Variants in CCDC169 observed in about 807,000 individuals in gnomAD.
CCDC169 encodes the protein coiled-coil domain-containing protein 169.
In CCDC169, 30 loss-of-function variants were observed where a neutral mutation model predicts 36.0. The ratio of observed to expected loss-of-function variants is 0.83; its 90% CI spans 0.62 to 1.13. The LOEUF is 1.13. Among genes scored for constraint, CCDC169 ranks in the 50% most tolerant of loss-of-function variants. The pLI is 0.00. For synonymous variants in CCDC169, 85 were observed against 81.5 expected, an observed-to-expected ratio of 1.04 and a Z score of -0.23; for missense variants, 245 against 245.9, an observed-to-expected ratio of 1.00 and a Z score of 0.03.
chr13:36,230,932 G>T lies in CCDC169; in HGVS notation c.*261C>A. On this transcript the variant is annotated 3_prime_UTR_variant, in exon 8 of 8. Transcript: ENST00000239859. Reference sequence around the variant, plus strand: ...GCAGATCATGGGTATATTATTGAAAGCAAGTGTAATGATGCCAGCCTTCAG... The same window carrying T: ...GCAGATCATGGGTATATTATTGAAATCAAGTGTAATGATGCCAGCCTTCAG... 8.6e-7 allele frequency: 1 copy of T among 1,162,614 alleles called. No homozygotes were observed. The highest frequency in any genetic ancestry group is 1.1e-6 in the Non-Finnish European group (1 of 942,908). The allele number at this position is 1,162,614 out of a possible 1,614,324, so 72.0% of individuals were successfully genotyped here. A position where few individuals can be genotyped will look rare whatever the true frequency, so the allele number is the denominator to read the frequency against.
At chr13:36,258,489 A>G (rs1473717977) in intron 4 of CCDC169, among the ~76,000 whole-genome samples, 2 of 152,222 alleles carry the variant, frequency 1.3e-5, no homozygotes, top group Non-Finnish European at 1.5e-5. Context: ...CCAAAACCCT[A>G]GATGGCAACA....
chr13:36,225,180 T>C (rs1286127350), downstream of CCDC169: 1 of 141,216 alleles, frequency 7.1e-6, no homozygotes, highest in East Asian at 2.1e-4. Context: ...CCTCAAACTA[T>C]AAGAATCCTA....
chr13:36,250,321 A>AG (rs1426452767), intron 6 of CCDC169, among the ~76,000 whole-genome samples: 1 of 152,218 alleles, frequency 6.6e-6, no homozygotes, highest in African/African-American at 2.4e-5. Flanking sequence ...CTGCAGAGAC[A>AG]GGAACAGCCA....
chr13:36,289,368 A>G (rs560694112), intron 2 of CCDC169, among the ~76,000 whole-genome samples: 2 of 152,212 alleles, frequency 1.3e-5, no homozygotes, highest in Non-Finnish European at 2.9e-5. Flanking sequence ...AAGGTCTAGA[A>G]AAGCAATATT....
At chr13:36,259,031 C>T (rs961186247) in intron 4 of CCDC169, among the ~76,000 whole-genome samples, 4 of 152,154 alleles carry the variant, frequency 2.6e-5, no homozygotes, top group African/African-American at 9.7e-5. Context: ...CCTGCAGGCA[C>T]ATCTAGAATG....
chr13:36,228,826 G>T (rs1303035319), downstream of CCDC169, among the ~76,000 whole-genome samples: 1 of 152,172 alleles, frequency 6.6e-6, no homozygotes, highest in Non-Finnish European at 1.5e-5. Flanking sequence ...GACAGGGGGT[G>T]TGAGCCACCA....
In CCDC169 at chr13:36,254,151, T is replaced by C. The variant is rs775510929; in HGVS notation, c.316-8A>G. On this transcript the variant is annotated splice_region_variant and splice_polypyrimidine_tract_variant and intron_variant, in intron 4 of 7. Coordinates refer to ENST00000239859, the MANE Select transcript of CCDC169 (RefSeq NM_001144981.3). ...TAATGTGTTTAAGGATTCCTAAAAA[T>C]ATAAATAGTAAAATTTTATATGTAC... 7.8e-5 allele frequency: 116 copies of C among 1,488,944 alleles called. No individual in the cohort carries two copies. The highest frequency in any genetic ancestry group is 1.0e-4 in the Non-Finnish European group (112 of 1,119,026). 92.2% of individuals were successfully genotyped at this position (1,488,944 alleles called of 1,614,324 possible).
rs544113270 is a variant in CCDC169, at chr13:36,288,261, G to A, written c.164-4559C>T. 1.1e-4 allele frequency among the ~76,000 whole-genome samples: 16 copies of A among 152,190 alleles called. No homozygotes were observed. The East Asian group carries it at 1.4e-3, about 13-fold the overall frequency. Reference sequence around the variant, plus strand: ...GATCTTCTGACCTCATTATCCGCCCGCCGCAGCCTCCCAAAGTGCTGGGAT... The same window carrying A: ...GATCTTCTGACCTCATTATCCGCCCACCGCAGCCTCCCAAAGTGCTGGGAT... On this transcript the variant is annotated intron_variant, in intron 2 of 7. Transcript: ENST00000239859.
Position 36,247,660 on chromosome 13 carries a change from C to G in CCDC169, c.545+946G>C, listed in dbSNP as rs547347068. ...GAAGAGGTGACTGACTTGCTGCAATCTCATGATAAAATTTGAATGGATGAG... is the reference window on the plus strand; with the variant it reads ...GAAGAGGTGACTGACTTGCTGCAATGTCATGATAAAATTTGAATGGATGAG... On this transcript the variant is annotated intron_variant, in intron 7 of 7. Coordinates refer to ENST00000239859, the MANE Select transcript of CCDC169 (RefSeq NM_001144981.3). 2.0e-5 allele frequency among the ~76,000 whole-genome samples: 3 copies of G among 152,220 alleles called. No homozygotes were observed. The East Asian group carries it at 5.8e-4, about 29-fold the overall frequency.
At chr13:36,295,928 C>T in intron 1 of CCDC169, 71 bp from the exon 2 acceptor site, 2 of 805,516 alleles carry the variant, frequency 2.5e-6, no homozygotes, top group Non-Finnish European at 4.0e-6. Flanking sequence ...TACATAGTAA[C>T]CCACTACTAC....
chr13:36,242,824 T>C (rs1007097295), intron 7 of CCDC169, among the ~76,000 whole-genome samples: 4 of 152,230 alleles, frequency 2.6e-5, no homozygotes, highest in East Asian at 3.9e-4. Context: ...TTAAGCTCAG[T>C]TCAGACCTGT....
chr13:36,297,541 C>A, intron 1 of CCDC169, 96 bp downstream of exon 1: 1 of 1,252,734 alleles, frequency 8.0e-7, no homozygotes, highest in Non-Finnish European at 1.1e-6. Context: ...CGGCGCCGGT[C>A]TTACAGCACC....
chr13:36,278,075 T>C (rs772904773), intron 4 of CCDC169, among the ~76,000 whole-genome samples: 6 of 152,198 alleles, frequency 3.9e-5, no homozygotes, highest in African/African-American at 1.4e-4. Context: ...ATTGCACATC[T>C]TTGGGCCTTA....
chr13:36,295,715 A>G (rs1399465435), intron 2 of CCDC169, 63 bp downstream of exon 2: 3 of 852,332 alleles, frequency 3.5e-6, no homozygotes, highest in East Asian at 5.5e-5. Flanking sequence ...TGCACCATAG[A>G]TATCCTGGTA....
chr13:36,283,217 G>T lies in CCDC169; in HGVS notation c.315+252C>A, dbSNP rs546136106. On this transcript the variant is annotated intron_variant, in intron 4 of 7. Transcript: ENST00000239859. Reference sequence around the variant, plus strand: ...GTATTTGTCTATATCTTTCTCTGAAGGTTGGCGGTGATTCAAAAAGCAATA... The same window carrying T: ...GTATTTGTCTATATCTTTCTCTGAATGTTGGCGGTGATTCAAAAAGCAATA... 1.9e-5 allele frequency: 9 copies of T among 482,584 alleles called. No individual in the cohort carries two copies. The Admixed American group carries it at 2.3e-4, about 12-fold the overall frequency. The allele number at this position is 482,584 out of a possible 1,614,324, so 29.9% of individuals were successfully genotyped here. A position where few individuals can be genotyped will look rare whatever the true frequency, so the allele number is the denominator to read the frequency against.
intron 7 of CCDC169, among the ~76,000 whole-genome samples, chr13:36,234,437 A>G (rs1460527465): frequency 3.9e-5 from 6 of 152,196 alleles, no homozygotes; most frequent in Non-Finnish European, 8.8e-5. Context: ...TTGAAAAATA[A>G]TAGCTAAAAA....
intron 7 of CCDC169, among the ~76,000 whole-genome samples, chr13:36,236,606 G>A (rs1871109503): frequency 6.6e-6 from 1 of 152,014 alleles, no homozygotes; most frequent in Non-Finnish European, 1.5e-5. Flanking sequence ...GCAAGAAAAA[G>A]TAGATGATGG....
At chr13:36,273,447 A>G (rs1243920094) in intron 4 of CCDC169, among the ~76,000 whole-genome samples, 1 of 152,180 alleles carries the variant, frequency 6.6e-6, no homozygotes, top group African/African-American at 2.4e-5. Flanking sequence ...ATGATGTAAT[A>G]GTTATAAAAA....
intron 7 of CCDC169, among the ~76,000 whole-genome samples, chr13:36,247,233 T>C (rs1412153018): frequency 6.6e-6 from 1 of 152,224 alleles, no homozygotes; most frequent in Non-Finnish European, 1.5e-5. Context: ...AGAATGTACC[T>C]GGTTACATCC....
Sources: allele counts gnomAD v4.1 joint callset (sites outside exome capture counted in the v4.1 genomes callset), GRCh38; gene constraint gnomAD v4.1.1; transcripts MANE v1.5; gene names NCBI Gene and HGNC (gene_info 2026-07-23, HGNC 2026-07-21).